Variants in PSMG2 observed in about 807,000 individuals in gnomAD.
PSMG2 encodes proteasome assembly chaperone 2.
PSMG2 carries 21 observed loss-of-function variants against 31.5 expected under a neutral mutation model. That is an observed-to-expected ratio of 0.67 (90% CI 0.47 to 0.96). The LOEUF (loss-of-function observed/expected upper bound fraction) is 0.96. Among genes scored for constraint, PSMG2 ranks in the 40% least tolerant of loss-of-function variants. PSMG2 has a pLI of 0.00. For synonymous variants in PSMG2, 120 were observed against 110.4 expected (o/e 1.09, Z -0.54); for missense variants, 318 against 321.2 (o/e 0.99, Z 0.08).
At chr18:12,709,721 A>G (rs1248638814) in intron 2 of PSMG2, among the ~76,000 whole-genome samples, 2 of 151,272 alleles carry the variant, frequency 1.3e-5, no homozygotes, top group Non-Finnish European at 2.9e-5. Context: ...GCTGGTGTTG[A>G]ACTCCTGACC....
chr18:12,675,654 A>T (rs1251353788), intron 1 of PSMG2, among the ~76,000 whole-genome samples: 2 of 151,886 alleles, frequency 1.3e-5, no homozygotes, highest in Non-Finnish European at 1.5e-5. Flanking sequence ...AAACAACATG[A>T]TTCCATTTAT....
At chr18:12,697,175 T>G (rs1163825152) in intron 1 of PSMG2, 1 of 1,233,484 alleles carries the variant, frequency 8.1e-7, no homozygotes. Context: ...TATTTACAAA[T>G]GAACTGTGGC....
intron 5 of PSMG2, among the ~76,000 whole-genome samples, chr18:12,722,963 T>C (rs995145716): frequency 1.3e-5 from 2 of 152,230 alleles, no homozygotes; most frequent in African/African-American, 4.8e-5. Context: ...TGGAATTTTC[T>C]GAGCCATCAG....
chr18:12,721,388 C>A (rs529769715), intron 5 of PSMG2, among the ~76,000 whole-genome samples: 2 of 151,998 alleles, frequency 1.3e-5, no homozygotes, highest in Non-Finnish European at 2.9e-5. Flanking sequence ...AAATATACAT[C>A]GTGCAAAATT....
rs762806007 is a variant in PSMG2, at chr18:12,718,589, C to G, written c.361C>G (p.Leu121Val). Residue 121 changes from leucine (L) to valine (V), a missense_variant, in exon 4 of 7, where the codon CTT (leucine) becomes GTT (valine). By Grantham distance (32) the Leu-to-Val change is conservative. Coordinates refer to ENST00000317615, the MANE Select transcript of PSMG2 (RefSeq NM_020232.5). ...CAGTGGCTGTGCCAGAGTCATTGTT[C>G]TTTCAAGCAGTCATTCATATCAGCG... ...KSSGCARVIVLSSSHSYQRND... is the reference protein window; with the variant it reads ...KSSGCARVIVVSSSHSYQRND... The G allele has an allele frequency of 6.2e-7, 1 of 1,612,454 alleles. No homozygotes were observed. The highest frequency in any genetic ancestry group is 8.5e-7 in the Non-Finnish European group (1 of 1,179,016).
At chr18:12,690,845 T>C (rs2145067646) in intron 1 of PSMG2, among the ~76,000 whole-genome samples, 1 of 152,252 alleles carries the variant, frequency 6.6e-6, no homozygotes, top group African/African-American at 2.4e-5. Context: ...ATAGTTGAAA[T>C]GCTTCAGTTA....
At chr18:12,693,643 C>T (rs943546239) in intron 1 of PSMG2, among the ~76,000 whole-genome samples, 4 of 152,076 alleles carry the variant, frequency 2.6e-5, no homozygotes, top group Admixed American at 1.3e-4. Flanking sequence ...ATTAGCTGGG[C>T]GTGGTGGCAC....
At chr18:12,693,041 C>A (rs951472068) in intron 1 of PSMG2, among the ~76,000 whole-genome samples, 1 of 152,138 alleles carries the variant, frequency 6.6e-6, no homozygotes, top group Admixed American at 6.6e-5. Context: ...CCAGGCTGGT[C>A]TTGAACTCCT....
chr18:12,718,383 A>T, intron 3 of PSMG2, 134 bp from the exon 4 acceptor site: 1 of 463,172 alleles, frequency 2.2e-6, no homozygotes, highest in Non-Finnish European at 3.8e-6. Flanking sequence ...CAGTAAGTGG[A>T]TCTGAAAATA....
chr18:12,692,547 TC>T (rs1045265819), intron 1 of PSMG2, among the ~76,000 whole-genome samples: 3 of 151,002 alleles, frequency 2.0e-5, no homozygotes, highest in African/African-American at 7.3e-5. Flanking sequence ...GCTGGTTACT[TC>T]CTGTTGTTCA....
chr18:12,691,354 C>A, intron 1 of PSMG2: 1 of 1,556,214 alleles, frequency 6.4e-7, no homozygotes, highest in Non-Finnish European at 8.7e-7. Context: ...ATATAATTTA[C>A]AAACCTGTGC....
intron 1 of PSMG2, among the ~76,000 whole-genome samples, chr18:12,684,038 T>A (rs1470368173): frequency 2.0e-5 from 3 of 151,012 alleles, no homozygotes; most frequent in Admixed American, 6.6e-5. Context: ...TATGTATTTT[T>A]TTTTGAGACA....
intron 1 of PSMG2, among the ~76,000 whole-genome samples, chr18:12,696,805 T>C (rs1427645788): frequency 6.6e-5 from 10 of 152,106 alleles, no homozygotes; most frequent in Admixed American, 6.6e-4. Flanking sequence ...CTGTAAAAGG[T>C]TGGGAGAACA....
At chr18:12,724,443 G>C (rs1035564128) in intron 5 of PSMG2, 56 bp from the exon 6 acceptor site, 1 of 1,475,598 alleles carries the variant, frequency 6.8e-7, no homozygotes, top group Non-Finnish European at 9.0e-7. Context: ...AGACACACTA[G>C]AGTCAGCTCT....
chr18:12,691,973 C>T (rs1311280374), intron 1 of PSMG2, among the ~76,000 whole-genome samples: 1 of 152,040 alleles, frequency 6.6e-6, no homozygotes, highest in African/African-American at 2.4e-5. Flanking sequence ...CCCGCCTTGG[C>T]CTCCCAAAGT....
chr18:12,694,324 G>A (rs1370538408), intron 1 of PSMG2, among the ~76,000 whole-genome samples: 1 of 152,172 alleles, frequency 6.6e-6, no homozygotes, highest in African/African-American at 2.4e-5. Flanking sequence ...GACAGGCAGG[G>A]TGGAGTAAAG....
At chr18:12,670,852 T>C (rs2038924624) in intron 1 of PSMG2, 2 of 152,158 alleles carry the variant, frequency 1.3e-5, no homozygotes, top group Admixed American at 6.6e-5. Flanking sequence ...TCTTGCTATG[T>C]TGCCCAGGCT....
upstream of PSMG2, among the ~76,000 whole-genome samples, chr18:12,701,871 CTGTAA>C (rs1224791637): frequency 6.6e-6 from 1 of 152,228 alleles, no homozygotes; most frequent in Non-Finnish European, 1.5e-5. Flanking sequence ...AGGCTCACGC[CTGTAA>C]TCCCAGCACT....
At chr18:12,675,607 C>T (rs1286146926) in intron 1 of PSMG2, among the ~76,000 whole-genome samples, 3 of 151,964 alleles carry the variant, frequency 2.0e-5, no homozygotes, top group African/African-American at 7.3e-5. Flanking sequence ...TTTATAGGCC[C>T]TTAGGGAGCT....
Sources: allele counts gnomAD v4.1 joint callset (sites outside exome capture counted in the v4.1 genomes callset), GRCh38; gene constraint gnomAD v4.1.1; transcripts MANE v1.5; gene names NCBI Gene and HGNC (gene_info 2026-07-23, HGNC 2026-07-21).